The following GRAMD1B variants were observed in gnomAD, a reference collection of about 807,000 sequenced individuals.
GRAMD1B encodes GRAM domain containing 1B, also known as protein Aster-B.
GRAMD1B carries 37 observed loss-of-function variants against 99.7 expected under a neutral mutation model. The ratio of observed to expected loss-of-function variants is 0.37; its 90% CI spans 0.29 to 0.49. The LOEUF is 0.49. Among genes scored for constraint, GRAMD1B ranks in the 20% least tolerant of loss-of-function variants. GRAMD1B has a pLI of 0.98. For missense variants in GRAMD1B, 888 were observed against 1,009.2 expected (o/e 0.88, Z 1.63); for synonymous variants, 427 against 387.6 (o/e 1.10, Z -1.19).
At position 123,478,538 on chromosome 11, in the gene GRAMD1B, G is replaced by T. The variant is rs144461824; in HGVS notation, c.375-2278G>T. ...GGCAGTTCCTGGTTCCGGTTCCTGA[G>T]GCTCCTTATTGGTTTTCCTTGTAGT... On this transcript the variant is annotated intron_variant, in intron 1 of 19. Coordinates refer to ENST00000635736, the MANE Select transcript of GRAMD1B (RefSeq NM_001387025.1). Among the ~76,000 whole-genome samples, 638 of 152,284 alleles carry T rather than the reference G, an allele frequency of 4.2e-3. 1 individual carries two copies. The highest frequency in any genetic ancestry group is 0.014 in the African/African-American group (602 of 41,536).
chr11:123,597,937 T>G (rs1012068293), intron 7 of GRAMD1B: 2 of 1,089,872 alleles, frequency 1.8e-6, no homozygotes, highest in African/African-American at 3.1e-5. Flanking sequence ...GCTACATCCC[T>G]GAACACTAGA....
intron 1 of GRAMD1B, among the ~76,000 whole-genome samples, chr11:123,414,810 T>C (rs970314542): frequency 6.6e-6 from 1 of 152,318 alleles, no homozygotes; most frequent in East Asian, 1.9e-4. Context: ...TAAACCACGA[T>C]TGAGATAATG....
chr11:123,523,382 T>C (rs917683908), intron 2 of GRAMD1B, among the ~76,000 whole-genome samples: 9 of 152,178 alleles, frequency 5.9e-5, no homozygotes, highest in African/African-American at 2.2e-4. Flanking sequence ...TCAGTGTCAT[T>C]ATCTGAAAAT....
intron 1 of GRAMD1B, among the ~76,000 whole-genome samples, chr11:123,413,710 A>G (rs1239390464): frequency 6.6e-6 from 1 of 152,084 alleles, no homozygotes; most frequent in African/African-American, 2.4e-5. Context: ...GTCATCCAGG[A>G]CCGCAGTCCC....
At chr11:123,384,498 T>C (rs1231888547) in intron 1 of GRAMD1B, among the ~76,000 whole-genome samples, 1 of 152,236 alleles carries the variant, frequency 6.6e-6, no homozygotes, top group East Asian at 1.9e-4. Flanking sequence ...ATGTTTTCTT[T>C]CTTGCACACA....
chr11:123,448,180 C>T (rs1485146774), intron 1 of GRAMD1B, among the ~76,000 whole-genome samples: 1 of 151,960 alleles, frequency 6.6e-6, no homozygotes, highest in Non-Finnish European at 1.5e-5. Flanking sequence ...CAGGTTTCTT[C>T]TTATTTCTCC....
chr11:123,509,210 C>A (rs1315469633), intron 2 of GRAMD1B, among the ~76,000 whole-genome samples: 1 of 152,288 alleles, frequency 6.6e-6, no homozygotes, highest in African/African-American at 2.4e-5. Context: ...GGCTTTTTAT[C>A]TGGGCCTTAG....
intron 7 of GRAMD1B, chr11:123,598,738 G>A: frequency 1.1e-6 from 1 of 900,010 alleles, no homozygotes; most frequent in South Asian, 1.3e-5. Context: ...GCTCCAGCCT[G>A]CGTCAGAGCA....
chr11:123,581,537 C>T (rs1180765597), intron 3 of GRAMD1B, among the ~76,000 whole-genome samples: 1 of 152,286 alleles, frequency 6.6e-6, no homozygotes, highest in Admixed American at 6.5e-5. Context: ...GGGACCCCTG[C>T]CCACAGTGGA....
At chr11:123,435,437 A>T (rs1949115910) in intron 1 of GRAMD1B, 3 of 702,392 alleles carry the variant, frequency 4.3e-6, no homozygotes, top group Non-Finnish European at 7.8e-6. Flanking sequence ...CTTGAAGCTC[A>T]AGCTTGCGGA....
chr11:123,616,049 C>T (rs770775301), intron 17 of GRAMD1B, among the ~76,000 whole-genome samples: 1 of 152,154 alleles, frequency 6.6e-6, no homozygotes, highest in African/African-American at 2.4e-5. Flanking sequence ...GTTGGCTGGG[C>T]GCGGTGGCTC....
At chr11:123,425,740 G>T (rs1948624688), upstream of GRAMD1B, among the ~76,000 whole-genome samples, 1 of 152,146 alleles carries the variant, frequency 6.6e-6, no homozygotes, top group Non-Finnish European at 1.5e-5. Flanking sequence ...TGTGGTGGTT[G>T]GTCAACTGTG....
rs75963161 is a variant in GRAMD1B, at chr11:123,478,306, C to T, written c.375-2510C>T. Among the ~76,000 whole-genome samples, 562 of 152,376 alleles carry T rather than the reference C, an allele frequency of 3.7e-3. 3 individuals are homozygous for T. The highest frequency in any genetic ancestry group is 0.013 in the African/African-American group (528 of 41,590). ...GGATTACAGGCATGAGCCAACCCGC[C>T]TGGTTCCATACTGTAGACTCTTAAC... is the stretch of plus-strand genomic sequence containing the variant. On this transcript the variant is annotated intron_variant, in intron 1 of 19. Coordinates refer to ENST00000635736, the MANE Select transcript of GRAMD1B (RefSeq NM_001387025.1).
At chr11:123,423,793 G>A (rs767994267) in intron 1 of GRAMD1B, among the ~76,000 whole-genome samples, 3 of 152,188 alleles carry the variant, frequency 2.0e-5, no homozygotes, top group Non-Finnish European at 4.4e-5. Flanking sequence ...TACTAGCTGT[G>A]TGAACTTGGG....
chr11:123,389,584 A>C (rs1947200628), intron 1 of GRAMD1B, among the ~76,000 whole-genome samples: 1 of 152,192 alleles, frequency 6.6e-6, no homozygotes, highest in South Asian at 2.1e-4. Flanking sequence ...GTAAAAGTTA[A>C]GGAAAACTGG....
intron 2 of GRAMD1B, among the ~76,000 whole-genome samples, chr11:123,486,800 T>A (rs1293655747): frequency 6.6e-6 from 1 of 152,234 alleles, no homozygotes; most frequent in Non-Finnish European, 1.5e-5. Context: ...CTGGGTGTGG[T>A]GGCTCATGCC....
intron 19 of GRAMD1B, chr11:123,619,565 CAG>C: frequency 8.5e-7 from 1 of 1,175,558 alleles, no homozygotes; most frequent in Non-Finnish European, 1.1e-6. Context: ...AGCCCTTTTA[CAG>C]AGATTTGTCT....
chr11:123,515,656 T>C (rs575062555), intron 2 of GRAMD1B, among the ~76,000 whole-genome samples: 3 of 152,318 alleles, frequency 2.0e-5, no homozygotes, highest in South Asian at 4.1e-4. Flanking sequence ...TTATTTATTT[T>C]ACCTATGAAA....
intron 2 of GRAMD1B, among the ~76,000 whole-genome samples, chr11:123,487,798 G>T (rs111547939): frequency 6.6e-6 from 1 of 152,212 alleles, no homozygotes; most frequent in East Asian, 1.9e-4. Context: ...GTAGAGACAG[G>T]GTTTCACCAT....
Sources: gnomAD v4.1 joint callset for allele counts (sites outside exome capture counted in the v4.1 genomes callset) on GRCh38, gnomAD v4.1.1 for gene constraint, MANE v1.5 for transcripts, NCBI Gene and HGNC (gene_info 2026-07-23, HGNC 2026-07-21) for gene names.